The following ANKRD36B variants were observed in gnomAD, a reference collection of about 807,000 sequenced individuals.
ANKRD36B encodes ankyrin repeat domain 36B, also known as ankyrin repeat domain-containing protein 36B.
Under a neutral mutation model 135.7 loss-of-function variants are expected in ANKRD36B, and 37 were observed. The observed-to-expected ratio is 0.27, with a 90% CI of 0.21 to 0.36. The LOEUF (loss-of-function observed/expected upper bound fraction) is 0.36. Ranked by LOEUF, ANKRD36B falls within the 10% of genes least tolerant of loss-of-function variation. ANKRD36B has a pLI of 1.00. For synonymous variants in ANKRD36B, 179 were observed against 348.1 expected, an observed-to-expected ratio of 0.51 and a Z score of 5.41; for missense variants, 549 against 1,037.1, an observed-to-expected ratio of 0.53 and a Z score of 6.46.
chr2:97,496,333 G>T (rs538671133), intron 43 of ANKRD36B, among the ~76,000 whole-genome samples: 25 of 95,142 alleles, frequency 2.6e-4, no homozygotes, highest in African/African-American at 6.4e-4. Flanking sequence ...TTTAAGAAAA[G>T]AATCTTCATA....
intron 6 of ANKRD36B, among the ~76,000 whole-genome samples, chr2:97,571,836 T>C (rs962976565): frequency 2.0e-5 from 3 of 152,138 alleles, no homozygotes; most frequent in African/African-American, 7.2e-5. Flanking sequence ...CTAAAAATCA[T>C]CTGTTAAGGG....
At chr2:97,559,692 T>A (rs1353202561) in intron 8 of ANKRD36B, among the ~76,000 whole-genome samples, 3 of 151,958 alleles carry the variant, frequency 2.0e-5, no homozygotes, top group South Asian at 4.1e-4. Context: ...ATTACCAATG[T>A]TAACATACTT....
intron 10 of ANKRD36B, 123 bp downstream of exon 10, chr2:97,558,676 G>A (rs2080747067): frequency 9.1e-7 from 1 of 1,097,974 alleles, no homozygotes; most frequent in Non-Finnish European, 1.4e-6. Flanking sequence ...GAGAACTGAG[G>A]AATCTCAGGC....
chr2:97,527,558 T>C (rs1480494185), intron 35 of ANKRD36B, among the ~76,000 whole-genome samples: 1 of 92,932 alleles, frequency 1.1e-5, no homozygotes, highest in Non-Finnish European at 2.8e-5. Context: ...ATAACAATAT[T>C]AACTTTAAAT....
At chr2:97,496,773 G>A (rs1559088993) in intron 43 of ANKRD36B, among the ~76,000 whole-genome samples, 2 of 82,254 alleles carry the variant, frequency 2.4e-5, no homozygotes, top group African/African-American at 4.5e-5. Flanking sequence ...CAGAAAACGT[G>A]TGTGTGTGTG....
At chr2:97,587,843 T>TA (rs1424531567) in intron 1 of ANKRD36B, among the ~76,000 whole-genome samples, 1 of 152,160 alleles carries the variant, frequency 6.6e-6, no homozygotes, top group African/African-American at 2.4e-5. Flanking sequence ...TTAACTTAAA[T>TA]ACCTTCTCCT....
intron 14 of ANKRD36B, among the ~76,000 whole-genome samples, 162 bp downstream of exon 14, chr2:97,554,898 G>A (rs2080370118): frequency 1.3e-5 from 2 of 151,904 alleles, no homozygotes. Flanking sequence ...TCCAAGACCA[G>A]CAGCATCAGC....
chr2:97,538,064 T>C lies in ANKRD36B; in HGVS notation c.2089+104A>G, dbSNP rs1485918294. ...AATGCACAATCTCAGGCCTGCTGAATCAGAAAGTGCATTTTCAATGAGCCC... is the reference window on the plus strand; with the variant it reads ...AATGCACAATCTCAGGCCTGCTGAACCAGAAAGTGCATTTTCAATGAGCCC... On this transcript the variant is annotated intron_variant, in intron 32 of 43. Coordinates refer to ENST00000359901, the MANE Select transcript of ANKRD36B (RefSeq NM_001393939.1). The C allele has an allele frequency of 2.5e-5, 16 of 633,094 alleles. 4 individuals carry two copies. The African/African-American group carries it at 3.2e-4, about 13-fold the overall frequency. 39.2% of individuals were successfully genotyped at this position (633,094 alleles called of 1,614,324 possible). A position where few individuals can be genotyped will look rare whatever the true frequency, so the allele number is the denominator to read the frequency against.
At chr2:97,548,013 T>A (rs188582614) in intron 20 of ANKRD36B, among the ~76,000 whole-genome samples, 53 of 151,872 alleles carry the variant, frequency 3.5e-4, no homozygotes, top group African/African-American at 1.1e-3. Flanking sequence ...ATATGCTGAG[T>A]GATGAGGACA....
In ANKRD36B at chr2:97,528,077, C is replaced by A. The variant is rs1420042664; in HGVS notation, c.2265+4234G>T. Reference sequence around the variant, plus strand: ...CCTAATAGACATCTACAGAACTCTCCACCCCAAATCAACAGAATATACATT... The same window carrying A: ...CCTAATAGACATCTACAGAACTCTCAACCCCAAATCAACAGAATATACATT... On this transcript the variant is annotated intron_variant, in intron 35 of 43. Transcript: ENST00000359901. Among the ~76,000 whole-genome samples the A allele has an allele frequency of 2.1e-5, 2 of 95,410 alleles. 1 individual carries two copies. The highest frequency in any genetic ancestry group is 5.6e-5 in the Non-Finnish European group (2 of 36,000). The allele number at this position is 95,410 out of a possible 152,430, so 62.6% of individuals were successfully genotyped here. A position where few individuals can be genotyped will look rare whatever the true frequency, so the allele number is the denominator to read the frequency against.
chr2:97,549,481 A>T lies in ANKRD36B; in HGVS notation c.1415T>A (p.Val472Asp), dbSNP rs1185015738. 1 of 1,593,988 alleles carries T rather than the reference A, an allele frequency of 6.3e-7. No homozygotes were observed. Among genetic ancestry groups the T allele is most frequent in the Non-Finnish European group, 8.5e-7 (1 of 1,169,898 alleles). The change falls in exon 20 of 44, where the codon GTC becomes GAC. Residue 472 changes from valine (V) to aspartate (D), a missense_variant. Physicochemically the swap from Val to Asp is radical, Grantham distance 152. Transcript: ENST00000359901. ...QKPPALKATS[V>D]KEDSVLNIAR... ...TATATTCAAAACAGAATCTTCCTTG[A>T]CACTTGTAGCCTGAATGGAATTTGA...
intron 24 of ANKRD36B, among the ~76,000 whole-genome samples, chr2:97,545,311 C>T (rs2079358682): frequency 1.0e-5 from 1 of 95,482 alleles, no homozygotes; most frequent in African/African-American, 3.1e-5. Flanking sequence ...TATCCCAATA[C>T]AATCTGACAC....
At position 97,529,109 on chromosome 2, in the gene ANKRD36B, A is replaced by C. The variant is rs2078406955; in HGVS notation, c.2265+3202T>G. On this transcript the variant is annotated intron_variant, in intron 35 of 43. Coordinates refer to ENST00000359901, the MANE Select transcript of ANKRD36B (RefSeq NM_001393939.1). ...GGCAGAGACACAACCAAAAAAGAGA[A>C]TTTTAGACCAATATCCTTAGTGAAC... 2.1e-5 allele frequency among the ~76,000 whole-genome samples: 2 copies of C among 96,616 alleles called. 1 individual carries two copies. Among genetic ancestry groups the C allele is most frequent in the Non-Finnish European group, 5.5e-5 (2 of 36,430 alleles). The allele number at this position is 96,616 out of a possible 152,430, so 63.4% of individuals were successfully genotyped here. A position where few individuals can be genotyped will look rare whatever the true frequency, so the allele number is the denominator to read the frequency against.
At chr2:97,550,495 A>G (rs1425828202) in intron 18 of ANKRD36B, among the ~76,000 whole-genome samples, 1 of 151,884 alleles carries the variant, frequency 6.6e-6, no homozygotes, top group African/African-American at 2.4e-5. Flanking sequence ...TATTTTCTAA[A>G]GAAGTTTCAT....
At chr2:97,581,117 C>T (rs1326467753) in intron 3 of ANKRD36B, among the ~76,000 whole-genome samples, 1 of 138,630 alleles carries the variant, frequency 7.2e-6, no homozygotes, top group Non-Finnish European at 1.5e-5. Flanking sequence ...CAAAACTGTG[C>T]ATTATGTGTC....
At chr2:97,547,946 G>T (rs11683920) in intron 20 of ANKRD36B, among the ~76,000 whole-genome samples, 85,388 of 151,530 alleles carry the variant, frequency 0.56, 25,591 homozygotes, top group Non-Finnish European at 0.67. Flanking sequence ...ATTTCAAACA[G>T]GGTATGATTT....
Position 97,576,892 on chromosome 2 carries a change from C to A in ANKRD36B, c.696-446G>T, listed in dbSNP as rs2442279. ...TAAAGCAGTGGAGCTTGTTCTTGAA[C>A]TTTATCGCTGAAACTATTTTGAAAT... On this transcript the variant is annotated intron_variant, in intron 5 of 43. Coordinates refer to ENST00000359901, the MANE Select transcript of ANKRD36B (RefSeq NM_001393939.1). Among the ~76,000 whole-genome samples the A allele has an allele frequency of 9.2e-5, 14 of 152,132 alleles. 2 individuals are homozygous for A. Among genetic ancestry groups the A allele is most frequent in the South Asian group, 2.1e-4 (1 of 4,822 alleles).
At chr2:97,551,810 G>A (rs2080094773) in intron 16 of ANKRD36B, among the ~76,000 whole-genome samples, 1 of 151,980 alleles carries the variant, frequency 6.6e-6, no homozygotes, top group Non-Finnish European at 1.5e-5. Context: ...TCATACACCT[G>A]AGAATGAATG....
At position 97,558,952 on chromosome 2, in the gene ANKRD36B, G is replaced by A. The variant is rs1289460724; in HGVS notation, c.894+14C>T. 3 of 1,604,636 alleles carry A rather than the reference G, an allele frequency of 1.9e-6. No homozygotes were observed. The highest frequency in any genetic ancestry group is 1.3e-5 in the African/African-American group (1 of 74,734). ...ACGGTTAATAGTTCAACATATAAAT[G>A]AGACTTTAATTACCTTCTCAGCTGG... On this transcript the variant is annotated intron_variant, in intron 9 of 43. Transcript: ENST00000359901.
Sources: allele counts gnomAD v4.1 joint callset (sites outside exome capture counted in the v4.1 genomes callset), GRCh38; gene constraint gnomAD v4.1.1; transcripts MANE v1.5; gene names NCBI Gene and HGNC (gene_info 2026-07-23, HGNC 2026-07-21).